The following CDYL2 variants were observed in gnomAD, a reference collection of about 807,000 sequenced individuals.
The protein encoded by CDYL2 is chromodomain Y like 2.
CDYL2 carries 23 observed loss-of-function variants against 49.4 expected under a neutral mutation model. The observed-to-expected ratio is 0.47, with a 90% CI of 0.34 to 0.66. CDYL2 has a LOEUF of 0.66. Ranked by LOEUF, CDYL2 falls within the 30% of genes least tolerant of loss-of-function variation. CDYL2 has a pLI of 0.01. For synonymous variants in CDYL2, 360 were observed against 268.8 expected, an observed-to-expected ratio of 1.34 and a Z score of -3.32; for missense variants, 678 against 656.4, an observed-to-expected ratio of 1.03 and a Z score of -0.36.
chr16:80,716,762 T>G (rs981386383), intron 1 of CDYL2, among the ~76,000 whole-genome samples: 2 of 151,360 alleles, frequency 1.3e-5, no homozygotes, highest in African/African-American at 4.9e-5. Context: ...GATAGATGGA[T>G]GACTGGATGA....
intron 1 of CDYL2, among the ~76,000 whole-genome samples, chr16:80,749,532 A>G (rs1176462845): frequency 6.6e-6 from 1 of 152,144 alleles, no homozygotes; most frequent in Non-Finnish European, 1.5e-5. Context: ...AAGATTACGC[A>G]AATTATTTAT....
At chr16:80,663,847 C>T (rs1229546927) in intron 2 of CDYL2, among the ~76,000 whole-genome samples, 1 of 152,202 alleles carries the variant, frequency 6.6e-6, no homozygotes, top group Non-Finnish European at 1.5e-5. Flanking sequence ...CCACCTTGGC[C>T]TCCCAAAGTG....
At position 80,676,961 on chromosome 16, in the gene CDYL2, G is replaced by GTCTTTTTTTTTTTTTT. The variant is rs1407459686; in HGVS notation, c.616+7576_616+7577insAAAAAAAAAAAAAAGA. ...AGGACTTTTTAACAACCAATTCAAT[G>GTCTTTTTTTTTTTTTT]TATTTTTTTTTTTTTTTTTTTTTTT... On this transcript the variant is annotated intron_variant, in intron 2 of 6. Transcript: ENST00000570137. Among the ~76,000 whole-genome samples the GTCTTTTTTTTTTTTTT allele has an allele frequency of 1.8e-5, 2 of 110,518 alleles. 1 individual carries two copies. 72.5% of individuals were successfully genotyped at this position (110,518 alleles called of 152,430 possible).
At chr16:80,780,738 T>A (rs754294502) in intron 1 of CDYL2, among the ~76,000 whole-genome samples, 1 of 152,170 alleles carries the variant, frequency 6.6e-6, no homozygotes, top group South Asian at 2.1e-4. Context: ...TTTGACAAAA[T>A]TGTCCACATC....
intron 2 of CDYL2, among the ~76,000 whole-genome samples, chr16:80,676,894 A>G (rs571548981): frequency 6.6e-6 from 1 of 152,182 alleles, no homozygotes; most frequent in East Asian, 1.9e-4. Flanking sequence ...TTTGCCTGCA[A>G]AACCCTCTGG....
intron 3 of CDYL2, among the ~76,000 whole-genome samples, chr16:80,622,931 G>A (rs56656136): frequency 0.12 from 18,211 of 152,128 alleles, 1,394 homozygotes; most frequent in Middle Eastern, 0.17. Flanking sequence ...CCAACCCCTT[G>A]TGAGGTGGGC....
At chr16:80,632,880 C>T (rs1037727924) in intron 3 of CDYL2, 139 bp downstream of exon 3, 14 of 704,250 alleles carry the variant, frequency 2.0e-5, no homozygotes, top group Non-Finnish European at 2.7e-5. Context: ...GAGCAAATTG[C>T]GCGCTGCAGT....
chr16:80,679,890 C>T (rs916910678), intron 2 of CDYL2, among the ~76,000 whole-genome samples: 8 of 152,308 alleles, frequency 5.3e-5, no homozygotes, highest in African/African-American at 1.9e-4. Flanking sequence ...ACTACACCTA[C>T]TAAATCAGAA....
At chr16:80,670,922 G>C (rs1435323566) in intron 2 of CDYL2, 1 of 455,908 alleles carries the variant, frequency 2.2e-6, no homozygotes, top group East Asian at 6.9e-5. Flanking sequence ...ACAGGGGCTT[G>C]CCTCACCAGC....
At chr16:80,691,433 G>A (rs1002390601) in intron 1 of CDYL2, among the ~76,000 whole-genome samples, 2 of 152,210 alleles carry the variant, frequency 1.3e-5, no homozygotes, top group Non-Finnish European at 2.9e-5. Context: ...GGAAATGGCT[G>A]TCAGACCAAG....
At chr16:80,650,043 A>T (rs1048265493) in intron 2 of CDYL2, among the ~76,000 whole-genome samples, 3 of 152,232 alleles carry the variant, frequency 2.0e-5, no homozygotes, top group African/African-American at 7.2e-5. Context: ...GAAAATCTCC[A>T]GGACATTGGT....
At position 80,737,010 on chromosome 16, in the gene CDYL2, T is replaced by C. The variant is rs113544481; in HGVS notation, c.25-51881A>G. Among the ~76,000 whole-genome samples the C allele has an allele frequency of 2.3e-3, 347 of 152,320 alleles. 1 individual carries two copies. Among genetic ancestry groups the C allele is most frequent in the Non-Finnish European group, 3.7e-3 (254 of 68,024 alleles). ...GATGGCTGAGACTCTGCCTTTCTTT[T>C]GTTACGTGGGAGAAGGGCTCCTGTG... On this transcript the variant is annotated intron_variant, in intron 1 of 6. Coordinates refer to ENST00000570137, the MANE Select transcript of CDYL2 (RefSeq NM_152342.4).
At chr16:80,630,770 G>A (rs1487373402) in intron 3 of CDYL2, among the ~76,000 whole-genome samples, 2 of 151,986 alleles carry the variant, frequency 1.3e-5, no homozygotes, top group Non-Finnish European at 2.9e-5. Context: ...CCAGATGGCC[G>A]CACCCACAAC....
chr16:80,751,693 C>T (rs1048562170), intron 1 of CDYL2, among the ~76,000 whole-genome samples: 2 of 152,196 alleles, frequency 1.3e-5, no homozygotes, highest in Admixed American at 6.5e-5. Context: ...GAGAGCTGAG[C>T]TTACTTTTCA....
intron 1 of CDYL2, among the ~76,000 whole-genome samples, chr16:80,787,183 T>A (rs1907465402): frequency 1.3e-5 from 2 of 152,122 alleles, no homozygotes; most frequent in African/African-American, 4.8e-5. Flanking sequence ...GGGAGTCTAG[T>A]TAAGAGACTA....
At chr16:80,648,688 A>T (rs1338739081) in intron 2 of CDYL2, among the ~76,000 whole-genome samples, 1 of 151,738 alleles carries the variant, frequency 6.6e-6, no homozygotes, top group South Asian at 2.1e-4. Context: ...GAAAGAAAAA[A>T]AATAAAAAAA....
chr16:80,630,498 T>G (rs1385016816), intron 3 of CDYL2, among the ~76,000 whole-genome samples: 2 of 152,196 alleles, frequency 1.3e-5, no homozygotes, highest in Non-Finnish European at 2.9e-5. Flanking sequence ...TCTCTGCAGA[T>G]GTCATGATGA....
chr16:80,734,873 T>C (rs1905462467), intron 1 of CDYL2, among the ~76,000 whole-genome samples: 1 of 152,202 alleles, frequency 6.6e-6, no homozygotes, highest in Non-Finnish European at 1.5e-5. Context: ...GCCACCACGA[T>C]ATGGTCCAAT....
chr16:80,633,689 T>C (rs1258705736), intron 2 of CDYL2, among the ~76,000 whole-genome samples: 2 of 151,860 alleles, frequency 1.3e-5, no homozygotes, highest in African/African-American at 2.4e-5. Flanking sequence ...CCTTATTTAA[T>C]ATGAGAACCA....
Sources: gnomAD v4.1 joint callset for allele counts (sites outside exome capture counted in the v4.1 genomes callset) on GRCh38, gnomAD v4.1.1 for gene constraint, MANE v1.5 for transcripts, NCBI Gene and HGNC (gene_info 2026-07-23, HGNC 2026-07-21) for gene names.